SLC9A9: variants seen among roughly 807,000 people sequenced by gnomAD.
SLC9A9 encodes solute carrier family 9 member A9.
In SLC9A9, 62 loss-of-function variants were observed where a neutral mutation model predicts 77.8. That is an observed-to-expected ratio of 0.80 (90% CI 0.65 to 0.98). The LOEUF is 0.98. Among genes scored for constraint, SLC9A9 ranks in the 50% least tolerant of loss-of-function variants. The pLI is 0.00. For synonymous variants in SLC9A9, 320 were observed against 283.5 expected (o/e 1.13, Z -1.29); for missense variants, 775 against 774.9 (o/e 1.00, Z 0.00).
At chr3:143,470,245 G>C (rs557458790) in intron 11 of SLC9A9, among the ~76,000 whole-genome samples, 3 of 152,180 alleles carry the variant, frequency 2.0e-5, no homozygotes, top group African/African-American at 7.2e-5. Flanking sequence ...GGAGGCTGAG[G>C]CGGGTGGTGG....
intron 12 of SLC9A9, among the ~76,000 whole-genome samples, chr3:143,440,140 C>T (rs1474471022): frequency 6.6e-6 from 1 of 152,220 alleles, no homozygotes; most frequent in African/African-American, 2.4e-5. Flanking sequence ...GGAGCATATG[C>T]TGACGGTGGC....
At chr3:143,342,516 T>C (rs2032133584) in intron 14 of SLC9A9, among the ~76,000 whole-genome samples, 1 of 152,224 alleles carries the variant, frequency 6.6e-6, no homozygotes, top group Non-Finnish European at 1.5e-5. Context: ...TATTTCAGTT[T>C]ATTTATTGGA....
intron 13 of SLC9A9, among the ~76,000 whole-genome samples, chr3:143,367,514 C>T (rs1024943202): frequency 2.0e-5 from 3 of 152,112 alleles, no homozygotes; most frequent in Non-Finnish European, 4.4e-5. Flanking sequence ...TATGAAAGGC[C>T]ATCAATAAAT....
chr3:143,286,886 G>C (rs1005262068), intron 14 of SLC9A9, among the ~76,000 whole-genome samples: 2 of 152,198 alleles, frequency 1.3e-5, no homozygotes, highest in African/African-American at 4.8e-5. Context: ...TTTGGGTCAT[G>C]ATAGCCCATG....
chr3:143,411,963 T>C lies in SLC9A9; in HGVS notation c.1470-29849A>G, dbSNP rs886357444. On this transcript the variant is annotated intron_variant, in intron 12 of 15. Transcript: ENST00000316549. Reference sequence around the variant, plus strand: ...TGTTGCCCTTCTGCTAAGGCACTGATTGAATCCTTCCAAACTGGGACCAAT... The same window carrying C: ...TGTTGCCCTTCTGCTAAGGCACTGACTGAATCCTTCCAAACTGGGACCAAT... Among the ~76,000 whole-genome samples, 7 of 152,128 alleles carry C rather than the reference T, an allele frequency of 4.6e-5. No individual in the cohort carries two copies. The East Asian group carries it at 7.7e-4, about 17-fold the overall frequency.
At chr3:143,423,785 T>C (rs531150123) in intron 12 of SLC9A9, among the ~76,000 whole-genome samples, 4 of 152,318 alleles carry the variant, frequency 2.6e-5, no homozygotes, top group East Asian at 1.9e-4. Flanking sequence ...GTTGACACCA[T>C]CTTAATTAAG....
intron 14 of SLC9A9, among the ~76,000 whole-genome samples, chr3:143,333,239 A>AC (rs1450881904): frequency 2.1e-5 from 2 of 94,336 alleles, no homozygotes; most frequent in Non-Finnish European, 2.0e-5. Context: ...ACCACCTCCC[A>AC]CCCCCCACCC....
intron 12 of SLC9A9, among the ~76,000 whole-genome samples, chr3:143,385,170 C>A (rs566151658): frequency 1.3e-5 from 2 of 151,814 alleles, no homozygotes; most frequent in Non-Finnish European, 2.9e-5. Context: ...ATTGTATCTG[C>A]CAGTTAGATT....
At chr3:143,407,315 C>T (rs562675119) in intron 12 of SLC9A9, among the ~76,000 whole-genome samples, 17 of 152,122 alleles carry the variant, frequency 1.1e-4, no homozygotes, top group Non-Finnish European at 2.4e-4. Flanking sequence ...CAGCAGGACT[C>T]TATACTGTAA....
At chr3:143,704,767 C>G (rs1162939287) in intron 4 of SLC9A9, among the ~76,000 whole-genome samples, 1 of 151,858 alleles carries the variant, frequency 6.6e-6, no homozygotes, top group East Asian at 1.9e-4. Flanking sequence ...CCAAGGTGGG[C>G]AGATCACCTG....
At chr3:143,350,463 G>A (rs2032417309) in intron 14 of SLC9A9, among the ~76,000 whole-genome samples, 1 of 152,066 alleles carries the variant, frequency 6.6e-6, no homozygotes, top group Non-Finnish European at 1.5e-5. Context: ...AGATTTCCGT[G>A]AACACATCTT....
At chr3:143,371,030 G>A (rs1182597289) in intron 13 of SLC9A9, among the ~76,000 whole-genome samples, 1 of 151,982 alleles carries the variant, frequency 6.6e-6, no homozygotes, top group African/African-American at 2.4e-5. Flanking sequence ...TTAGGGTACC[G>A]CTGGAGTGGC....
At chr3:143,644,146 T>C (rs1320724244) in intron 6 of SLC9A9, among the ~76,000 whole-genome samples, 1 of 152,176 alleles carries the variant, frequency 6.6e-6, no homozygotes, top group Admixed American at 6.5e-5. Context: ...GCCTGGCATG[T>C]CCAGAGTCAG....
intron 14 of SLC9A9, among the ~76,000 whole-genome samples, chr3:143,293,739 C>T (rs1420871341): frequency 1.3e-5 from 2 of 152,144 alleles, no homozygotes; most frequent in Non-Finnish European, 2.9e-5. Flanking sequence ...ACGTGACACT[C>T]AAGCATTGGG....
chr3:143,529,025 T>C (rs1214538627), intron 9 of SLC9A9, among the ~76,000 whole-genome samples: 1 of 152,120 alleles, frequency 6.6e-6, no homozygotes, highest in Non-Finnish European at 1.5e-5. Context: ...ATCTTACAGA[T>C]GAGAGGGACA....
At chr3:143,689,723 A>G (rs980686274) in intron 5 of SLC9A9, among the ~76,000 whole-genome samples, 5 of 152,038 alleles carry the variant, frequency 3.3e-5, no homozygotes, top group African/African-American at 1.2e-4. Flanking sequence ...AAAGATTCTT[A>G]TATGTTGTTA....
At position 143,589,415 on chromosome 3, in the gene SLC9A9, G is replaced by A. The variant is rs2037611194; in HGVS notation, c.756-10692C>T. 2.0e-5 allele frequency among the ~76,000 whole-genome samples: 3 copies of A among 152,036 alleles called. No individual in the cohort carries two copies. The South Asian group carries it at 6.2e-4, about 32-fold the overall frequency. Reference sequence around the variant, plus strand: ...ACAACAGACTGCATATACAACAGTGGTCCGGTAAGATTACAATACGGTATT... The same window carrying A: ...ACAACAGACTGCATATACAACAGTGATCCGGTAAGATTACAATACGGTATT... On this transcript the variant is annotated intron_variant, in intron 6 of 15. Transcript: ENST00000316549.
intron 4 of SLC9A9, among the ~76,000 whole-genome samples, chr3:143,701,556 C>T (rs11917690): frequency 0.67 from 101,189 of 151,622 alleles, 34,170 homozygotes; most frequent in East Asian, 0.88. Flanking sequence ...CAGAATTGAT[C>T]AAGCAGAAGA....
At chr3:143,623,626 G>T (rs1294668933) in intron 6 of SLC9A9, among the ~76,000 whole-genome samples, 3 of 151,968 alleles carry the variant, frequency 2.0e-5, no homozygotes, top group Non-Finnish European at 4.4e-5. Context: ...TGTGTAGAGG[G>T]AAATTTATAG....
Sources: allele counts gnomAD v4.1 joint callset (sites outside exome capture counted in the v4.1 genomes callset), GRCh38; gene constraint gnomAD v4.1.1; transcripts MANE v1.5; gene names NCBI Gene and HGNC (gene_info 2026-07-23, HGNC 2026-07-21).